The following SHOX variants were observed in gnomAD, a reference collection of about 807,000 sequenced individuals.
SHOX encodes short stature homeobox protein.
SHOX carries 12 observed loss-of-function variants against 29.6 expected under a neutral mutation model. The ratio of observed to expected loss-of-function variants is 0.41; its 90% CI spans 0.26 to 0.66. The LOEUF (loss-of-function observed/expected upper bound fraction) is 0.66, where lower values mean the gene tolerates loss of function less well. Ranked by LOEUF, SHOX falls within the 30% of genes least tolerant of loss-of-function variation. The pLI, the probability that SHOX is intolerant of heterozygous loss-of-function variation, is 0.35. For synonymous variants in SHOX, 214 were observed against 200.6 expected (o/e 1.07, Z -0.57); for missense variants, 499 against 437.7 (o/e 1.14, Z -1.25).
In SHOX at chrX:648,790, C is replaced by T. The variant is rs1410691748; in HGVS notation, c.*4154C>T. On this transcript the variant is annotated 3_prime_UTR_variant, in exon 5 of 5. Transcript: ENST00000686671. ...TGAGTGTGGGGTACGTGTATGCTAG[C>T]TGCTTCTTTCTCCCTGAAACTCTCG... Among the ~76,000 whole-genome samples the T allele has an allele frequency of 1.3e-5, 2 of 151,970 alleles. No homozygotes were observed. Among genetic ancestry groups the T allele is most frequent in the African/African-American group, 4.8e-5 (2 of 41,354 alleles).
chrX:640,588 AC>A (rs1443382789), intron 2 of SHOX, among the ~76,000 whole-genome samples: 2 of 152,150 alleles, frequency 1.3e-5, no homozygotes, highest in African/African-American at 4.8e-5. Context: ...AACCACCACC[AC>A]CACAACAAAA....
At chrX:639,560 C>T (rs1243488173) in intron 2 of SHOX, among the ~76,000 whole-genome samples, 1 of 152,244 alleles carries the variant, frequency 6.6e-6, no homozygotes, top group Non-Finnish European at 1.5e-5. Context: ...CCTACAGGGT[C>T]TACAGGAGTT....
intron 2 of SHOX, among the ~76,000 whole-genome samples, chrX:637,599 A>C (rs1477913080): frequency 6.6e-6 from 1 of 152,088 alleles, no homozygotes; most frequent in African/African-American, 2.4e-5. Flanking sequence ...AATGCAATAA[A>C]AGACATAATT....
At chrX:624,868 TTC>T (rs1491213312) in intron 1 of SHOX, among the ~76,000 whole-genome samples, 1 of 54,734 alleles carries the variant, frequency 1.8e-5, no homozygotes, top group Admixed American at 1.6e-4. Context: ...TTTCTTTTCT[TTC>T]TTTCTTTCTT....
At chrX:636,270 A>G (rs2124171237) in intron 2 of SHOX, among the ~76,000 whole-genome samples, 1 of 144,616 alleles carries the variant, frequency 6.9e-6, no homozygotes, top group Admixed American at 7.0e-5. Flanking sequence ...ACATAAATAT[A>G]TAAACATATA....
At chrX:658,730 A>C in intron 5 of SHOX, 1 of 320,490 alleles carries the variant, frequency 3.1e-6, no homozygotes, top group South Asian at 2.7e-5. Context: ...TCAGCCTCCC[A>C]AAGTGCTGGG....
intron 2 of SHOX, among the ~76,000 whole-genome samples, chrX:635,287 T>C (rs2052725665): frequency 6.6e-6 from 1 of 151,908 alleles, no homozygotes; most frequent in South Asian, 2.1e-4. Context: ...CCAGAGTGTT[T>C]TACAAGATTT....
rs1556473190 is a variant in SHOX, at chrX:650,808, A to AAAAC, written c.*6175_*6176insCAAA. On this transcript the variant is annotated 3_prime_UTR_variant, in exon 5 of 5. Coordinates refer to ENST00000686671, the MANE Select transcript of SHOX (RefSeq NM_000451.4). ...GTTTGACATTAAAAAAAAAAAAAAAAAAAAAAAAAAACTGGTGCCTAATTT... is the reference window on the plus strand; with the variant it reads ...GTTTGACATTAAAAAAAAAAAAAAAAAAACAAAAAAAAAAACTGGTGCCTAATTT... Among the ~76,000 whole-genome samples the AAAAC allele has an allele frequency of 4.8e-5, 7 of 147,150 alleles. 1 individual carries two copies. Among genetic ancestry groups the AAAAC allele is most frequent in the East Asian group, 1.9e-4 (1 of 5,146 alleles).
downstream of SHOX, among the ~76,000 whole-genome samples, chrX:654,940 A>G (rs2053116668): frequency 6.8e-6 from 1 of 147,726 alleles, no homozygotes; most frequent in Non-Finnish European, 1.5e-5. Flanking sequence ...CACCCGCCTC[A>G]GCCTCCCAAA....
At chrX:652,979 G>A (rs28374757), downstream of SHOX, among the ~76,000 whole-genome samples, 11,396 of 152,164 alleles carry the variant, frequency 0.075, 687 homozygotes, top group East Asian at 0.36. Context: ...TGGCTCTCAC[G>A]CCTGTCATCC....
downstream of SHOX, among the ~76,000 whole-genome samples, chrX:654,949 A>G (rs2053116716): frequency 6.7e-6 from 1 of 148,686 alleles, no homozygotes; most frequent in Non-Finnish European, 1.5e-5. Context: ...CAGCCTCCCA[A>G]AGTGCTGGGA....
At chrX:656,494 C>G (rs775414464), downstream of SHOX, among the ~76,000 whole-genome samples, 1 of 152,130 alleles carries the variant, frequency 6.6e-6, no homozygotes, top group East Asian at 1.9e-4. Context: ...ATTGCTTGAG[C>G]CCAGGAGTTC....
chrX:654,105 G>A (rs28547346), downstream of SHOX, among the ~76,000 whole-genome samples: 92,689 of 151,576 alleles, frequency 0.61, 28,687 homozygotes, highest in African/African-American at 0.69. Flanking sequence ...ATGAACAATA[G>A]TGGCCAAAAC....
downstream of SHOX, among the ~76,000 whole-genome samples, chrX:655,060 C>G (rs35712853): frequency 0.5 from 76,199 of 151,580 alleles, 20,738 homozygotes; most frequent in East Asian, 0.73. Context: ...TCCAGCCTGG[C>G]TGACAGAGTG....
chrX:631,672 C>T (rs1214730173), intron 1 of SHOX, among the ~76,000 whole-genome samples: 1 of 152,214 alleles, frequency 6.6e-6, no homozygotes, highest in Non-Finnish European at 1.5e-5. Context: ...GCTGGGATTA[C>T]AGGCATGCAC....
At chrX:628,129 C>CTCTGCCTCTCTTTGTCTCTCTT (rs2052572029), upstream of SHOX, among the ~76,000 whole-genome samples, 1 of 35,612 alleles carries the variant, frequency 2.8e-5, no homozygotes, top group Non-Finnish European at 7.2e-5. Flanking sequence ...TTGTCTCTCT[C>CTCTGCCTCTCTTTGTCTCTCTT]TGTATCTCTA....
At chrX:638,862 C>T (rs753797850) in intron 2 of SHOX, among the ~76,000 whole-genome samples, 1 of 152,338 alleles carries the variant, frequency 6.6e-6, no homozygotes, top group African/African-American at 2.4e-5. Flanking sequence ...GCGGAGGACG[C>T]CTGTTCTCTG....
Position 634,668 on chromosome X carries a change from G to T in SHOX, c.328G>T (p.Asp110Tyr), listed in dbSNP as rs1424555604. 3 of 1,613,926 alleles carry T rather than the reference G, an allele frequency of 1.9e-6. No homozygotes were observed. Among genetic ancestry groups the T allele is most frequent in the Non-Finnish European group, 2.5e-6 (3 of 1,179,876 alleles). Residue 110 changes from aspartate to tyrosine, a missense_variant, in exon 2 of 5, where the codon GAC (aspartate) becomes TAC (tyrosine). Coordinates refer to ENST00000686671, the MANE Select transcript of SHOX (RefSeq NM_000451.4). ...KREDVKSEDE[D>Y]GQTKLKQRRS... ...CGAGGACGTGAAGTCGGAGGACGAGGACGGGCAGACCAAGCTGAAACAGAG... is the reference window on the plus strand; with the variant it reads ...CGAGGACGTGAAGTCGGAGGACGAGTACGGGCAGACCAAGCTGAAACAGAG...
chrX:627,692 C>A (rs1434015718), upstream of SHOX, among the ~76,000 whole-genome samples: 1 of 152,188 alleles, frequency 6.6e-6, no homozygotes, highest in Non-Finnish European at 1.5e-5. Context: ...TGACTGGTGT[C>A]CCCATGCTCA....
Sources: allele counts gnomAD v4.1 joint callset (sites outside exome capture counted in the v4.1 genomes callset), GRCh38; gene constraint gnomAD v4.1.1; transcripts MANE v1.5; gene names NCBI Gene and HGNC (gene_info 2026-07-23, HGNC 2026-07-21).